Variants in NRXN3 observed in about 807,000 individuals in gnomAD.
NRXN3 encodes the protein neurexin 3.
A neutral mutation model predicts 137.6 loss-of-function variants in NRXN3; 32 were observed. That is an observed-to-expected ratio of 0.23 (90% CI 0.18 to 0.31). NRXN3 has a LOEUF of 0.31. Ranked by LOEUF, NRXN3 falls within the 10% of genes least tolerant of loss-of-function variation. The pLI is 1.00. For missense variants in NRXN3, 1,574 were observed against 2,062.5 expected (o/e 0.76, Z 4.59); for synonymous variants, 798 against 784.5 (o/e 1.02, Z -0.29).
intron 4 of NRXN3, among the ~76,000 whole-genome samples, chr14:78,448,573 G>A (rs1159528055): frequency 1.3e-5 from 2 of 152,152 alleles, no homozygotes; most frequent in African/African-American, 4.8e-5. Context: ...GTATTGACTT[G>A]GAAAGATCCC....
At position 78,262,867 on chromosome 14, in the gene NRXN3, C is replaced by T. The variant is rs188926674; in HGVS notation, c.710-15778C>T. Among the ~76,000 whole-genome samples the T allele has an allele frequency of 6.5e-4, 99 of 152,286 alleles. No homozygotes were observed. In the East Asian group the frequency reaches 0.015, roughly 23 times the overall value. On this transcript the variant is annotated intron_variant, in intron 2 of 20. Coordinates refer to ENST00000335750, the MANE Select transcript of NRXN3 (RefSeq NM_001330195.2). ...CATCTATTGACCTCTTACTACGTTT[C>T]GGGCACTGTGAATAGCTTCACCTTT...
intron 16 of NRXN3, among the ~76,000 whole-genome samples, chr14:79,518,911 T>C (rs2097026927): frequency 6.6e-6 from 1 of 152,200 alleles, no homozygotes; most frequent in African/African-American, 2.4e-5. Context: ...TAGCATTGAG[T>C]ATTCTTTATA....
intron 16 of NRXN3, among the ~76,000 whole-genome samples, chr14:79,542,967 T>G (rs2097287690): frequency 6.6e-6 from 1 of 152,152 alleles, no homozygotes; most frequent in Non-Finnish European, 1.5e-5. Flanking sequence ...CTTCCCTCCC[T>G]ATAGTCCCAA....
intron 8 of NRXN3, among the ~76,000 whole-genome samples, chr14:78,733,332 T>C (rs546833142): frequency 6.6e-6 from 1 of 152,244 alleles, no homozygotes; most frequent in African/African-American, 2.4e-5. Flanking sequence ...TGACAAATCC[T>C]TTTCTCACCC....
At chr14:79,467,106 C>T in intron 15 of NRXN3, 115 bp from the exon 16 acceptor site, 3 of 1,013,916 alleles carry the variant, frequency 3.0e-6, no homozygotes, top group Non-Finnish European at 2.8e-6. Flanking sequence ...CAAATACTGT[C>T]CCATGGGGGA....
intron 4 of NRXN3, among the ~76,000 whole-genome samples, chr14:78,384,793 A>G (rs2089687960): frequency 6.6e-6 from 1 of 152,214 alleles, no homozygotes; most frequent in Non-Finnish European, 1.5e-5. Flanking sequence ...GCAATCGCTC[A>G]GGTCTCTTTC....
At chr14:79,434,492 A>C (rs1291825693) in intron 15 of NRXN3, among the ~76,000 whole-genome samples, 2 of 152,252 alleles carry the variant, frequency 1.3e-5, no homozygotes, top group Non-Finnish European at 2.9e-5. Flanking sequence ...AAAAAGGCCC[A>C]TGGCCGGAAA....
rs1444147954 is a variant in NRXN3 at position 78,343,132 on chromosome 14, G to A, written c.757+45272G>A. Among the ~76,000 whole-genome samples, 17 of 152,090 alleles carry A rather than the reference G, an allele frequency of 1.1e-4. 1 individual carries two copies. The highest frequency in any genetic ancestry group is 1.1e-3 in the Admixed American group (17 of 15,258). ...GTCCAACAATCTGTTGCATGGTAAA[G>A]CTTGAGAACCATGAGTATAATGAAA... On this transcript the variant is annotated intron_variant, in intron 4 of 20. Transcript: ENST00000335750.
At chr14:78,254,666 A>G (rs1255612111) in intron 2 of NRXN3, among the ~76,000 whole-genome samples, 1 of 140,376 alleles carries the variant, frequency 7.1e-6, no homozygotes, top group Non-Finnish European at 1.6e-5. Context: ...TGACAGAGTG[A>G]GACTCCATCT....
intron 15 of NRXN3, among the ~76,000 whole-genome samples, chr14:79,376,208 GTGTATGTATATATA>G (rs1183849026): frequency 2.3e-4 from 10 of 42,638 alleles, no homozygotes; most frequent in African/African-American, 8.2e-4. Context: ...GTGTGTGTGT[GTGTATGTATATATA>G]TATATATATA....
chr14:79,402,468 C>T (rs1431657728), intron 15 of NRXN3, among the ~76,000 whole-genome samples: 1 of 152,118 alleles, frequency 6.6e-6, no homozygotes, highest in Non-Finnish European at 1.5e-5. Flanking sequence ...AATATATTTT[C>T]TATGAGACTG....
At chr14:78,977,142 A>T (rs912714532) in intron 14 of NRXN3, among the ~76,000 whole-genome samples, 8 of 152,176 alleles carry the variant, frequency 5.3e-5, no homozygotes, top group African/African-American at 1.7e-4. Flanking sequence ...GTAAGTGATT[A>T]AACTGGATTT....
intron 1 of NRXN3, among the ~76,000 whole-genome samples, chr14:78,180,432 A>G (rs1276760457): frequency 6.6e-6 from 1 of 152,258 alleles, no homozygotes; most frequent in Middle Eastern, 3.2e-3. Flanking sequence ...CTGCCGCTGC[A>G]TTAAGTTAAG....
At chr14:78,685,060 A>C (rs1011049235) in intron 6 of NRXN3, among the ~76,000 whole-genome samples, 4 of 152,198 alleles carry the variant, frequency 2.6e-5, no homozygotes, top group Admixed American at 2.6e-4. Context: ...CAAGGGTTAT[A>C]ATGCAAATTA....
chr14:79,819,962 C>T (rs1402952226), intron 20 of NRXN3, among the ~76,000 whole-genome samples: 1 of 152,068 alleles, frequency 6.6e-6, no homozygotes. Flanking sequence ...GAGCTCCCCA[C>T]CTCTGCTAGG....
At chr14:79,643,169 T>C (rs904417184) in intron 16 of NRXN3, among the ~76,000 whole-genome samples, 1 of 136,218 alleles carries the variant, frequency 7.3e-6, no homozygotes, top group Non-Finnish European at 1.7e-5. Flanking sequence ...GATGCCACTT[T>C]AGTCCCAACT....
At chr14:79,570,118 A>C (rs1036556222) in intron 16 of NRXN3, among the ~76,000 whole-genome samples, 10 of 151,958 alleles carry the variant, frequency 6.6e-5, no homozygotes, top group Non-Finnish European at 2.9e-5. Context: ...CTCCACTCTC[A>C]CTGTGTCATT....
chr14:78,391,906 G>A, intron 4 of NRXN3, among the ~76,000 whole-genome samples: 1 of 152,078 alleles, frequency 6.6e-6, no homozygotes, highest in East Asian at 1.9e-4. Flanking sequence ...AGAATGGAAG[G>A]ATGAGGTGTG....
chr14:79,840,872 A>C (rs2099354430), intron 20 of NRXN3, among the ~76,000 whole-genome samples: 1 of 152,142 alleles, frequency 6.6e-6, no homozygotes, highest in Non-Finnish European at 1.5e-5. Flanking sequence ...TGCTAGAAAA[A>C]CACTATGTCA....
Sources: allele counts gnomAD v4.1 joint callset (sites outside exome capture counted in the v4.1 genomes callset), GRCh38; gene constraint gnomAD v4.1.1; transcripts MANE v1.5; gene names NCBI Gene and HGNC (gene_info 2026-07-23, HGNC 2026-07-21).